Variants in PRKN observed in about 807,000 individuals in gnomAD.
The protein encoded by PRKN is parkin RBR E3 ubiquitin protein ligase.
In PRKN, 56 loss-of-function variants were observed where a neutral mutation model predicts 59.5. The observed-to-expected ratio is 0.94, with a 90% confidence interval of 0.76 to 1.18. PRKN has a LOEUF of 1.18. PRKN is among the 50% of genes most tolerant of loss of function. PRKN has a pLI of 0.00. For synonymous variants in PRKN, 250 were observed against 222.1 expected (o/e 1.13, Z -1.12); for missense variants, 657 against 596.4 (o/e 1.10, Z -1.06).
At chr6:162,377,898 A>G (rs1007912531) in intron 2 of PRKN, among the ~76,000 whole-genome samples, 1 of 152,224 alleles carries the variant, frequency 6.6e-6, no homozygotes, top group Non-Finnish European at 1.5e-5. Flanking sequence ...AGTGAAAGCC[A>G]GATGGTTCTT....
chr6:161,776,666 C>G (rs747208666), intron 7 of PRKN, among the ~76,000 whole-genome samples: 2 of 152,158 alleles, frequency 1.3e-5, no homozygotes, highest in African/African-American at 4.8e-5. Flanking sequence ...GAGGCATGGC[C>G]TTGGCATTGG....
At chr6:161,481,218 G>A (rs1162777754) in intron 9 of PRKN, among the ~76,000 whole-genome samples, 1 of 152,134 alleles carries the variant, frequency 6.6e-6, no homozygotes, top group African/African-American at 2.4e-5. Flanking sequence ...AATCACATTG[G>A]TTTTTCCTAA....
chr6:161,977,541 GGT>G (rs555630756), intron 5 of PRKN, among the ~76,000 whole-genome samples: 31,160 of 99,136 alleles, frequency 0.31, 4,155 homozygotes, highest in South Asian at 0.39. Context: ...CTGTTTTTTT[GGT>G]TTTTTTTTTT....
intron 4 of PRKN, among the ~76,000 whole-genome samples, chr6:162,144,295 G>T (rs201266189): frequency 6.6e-6 from 1 of 152,134 alleles, no homozygotes; most frequent in African/African-American, 2.4e-5. Context: ...ATGCAAGATG[G>T]ATTTTAATAT....
At chr6:161,943,562 G>C (rs982804872) in intron 6 of PRKN, among the ~76,000 whole-genome samples, 6 of 152,228 alleles carry the variant, frequency 3.9e-5, no homozygotes, top group Non-Finnish European at 1.5e-5. Flanking sequence ...TGGAAATCCT[G>C]AAATAAAGTC....
chr6:161,438,769 G>T (rs554723827), intron 9 of PRKN, among the ~76,000 whole-genome samples: 1 of 152,120 alleles, frequency 6.6e-6, no homozygotes. Flanking sequence ...TGATCATCCC[G>T]CATGTAGCTA....
chr6:161,532,395 T>G (rs376931979), intron 9 of PRKN, among the ~76,000 whole-genome samples: 1 of 151,932 alleles, frequency 6.6e-6, no homozygotes, highest in Admixed American at 6.6e-5. Context: ...TATATGGCTG[T>G]GTGTGTATGA....
intron 7 of PRKN, among the ~76,000 whole-genome samples, chr6:161,733,792 A>ATATATATATATATATATACT (rs1554298485): frequency 1.4e-5 from 1 of 71,162 alleles, no homozygotes; most frequent in Non-Finnish European, 2.8e-5. Context: ...AAATATATAT[A>ATATATATATATATATATACT]TATATGTATA....
At position 161,347,470 on chromosome 6, in the gene PRKN, T is replaced by A. The variant is rs1784378420; in HGVS notation, c.*2629A>T. The A allele has an allele frequency of 6.6e-6, 1 of 152,212 alleles. No individual in the cohort carries two copies. The highest frequency in any genetic ancestry group is 1.9e-4 in the East Asian group (1 of 5,200). 9.4% of individuals were successfully genotyped at this position (152,212 alleles called of 1,614,324 possible). On this transcript the variant is annotated 3_prime_UTR_variant, in exon 12 of 12. Transcript: ENST00000366898. ...GTACAATCTTAGAGTTGTCAGATAA[T>A]CTCAACACACTTCAGAGAAAAACAG... is the stretch of plus-strand genomic sequence containing the variant.
At position 161,461,480 on chromosome 6, in the gene PRKN, C is replaced by A. The variant is rs117318919; in HGVS notation, c.1084-74603G>T. On this transcript the variant is annotated intron_variant, in intron 9 of 11. Transcript: ENST00000366898. The surrounding 1 kb of genome is among the most constrained non-coding windows in gnomAD (Gnocchi z 5.1). ...GATGGATTACTAGGGGGAATACACT[C>A]AAGGCAGGAAGAGTGTAGGTTGTTC... is the stretch of plus-strand genomic sequence containing the variant. Among the ~76,000 whole-genome samples the A allele has an allele frequency of 2.4e-4, 36 of 152,168 alleles. No homozygotes were observed. Among genetic ancestry groups the A allele is most frequent in the Non-Finnish European group, 4.4e-4 (30 of 68,014 alleles).
chr6:161,490,308 T>TCTTG (rs111399768), intron 9 of PRKN, among the ~76,000 whole-genome samples: 13 of 143,506 alleles, frequency 9.1e-5, no homozygotes, highest in East Asian at 6.2e-4. Context: ...TACTTTTCTT[T>TCTTG]CTTGCTTGCT....
chr6:162,631,721 T>C (rs1783116231), intron 1 of PRKN, among the ~76,000 whole-genome samples: 1 of 152,198 alleles, frequency 6.6e-6, no homozygotes, highest in Non-Finnish European at 1.5e-5. Context: ...ATTTTTGTTC[T>C]TGTTGCAATT....
At chr6:162,297,183 T>C (rs544493164) in intron 2 of PRKN, among the ~76,000 whole-genome samples, 1 of 151,816 alleles carries the variant, frequency 6.6e-6, no homozygotes, top group East Asian at 1.9e-4. Context: ...TCTTTTTTTT[T>C]TTTTTTGTAA....
At chr6:162,073,207 G>C (rs1311178815) in intron 4 of PRKN, among the ~76,000 whole-genome samples, 2 of 152,174 alleles carry the variant, frequency 1.3e-5, no homozygotes, top group Non-Finnish European at 2.9e-5. Flanking sequence ...AGAGAGAATT[G>C]TACTCACGCT....
chr6:161,998,664 T>C (rs548638067), intron 5 of PRKN, among the ~76,000 whole-genome samples: 190 of 152,224 alleles, frequency 1.2e-3, no homozygotes, highest in African/African-American at 4.4e-3. Flanking sequence ...ACAACATTTA[T>C]TTACACTTTC....
rs533670882 is a variant in PRKN, at chr6:161,373,243, A to C, written c.1168-13038T>G. Among the ~76,000 whole-genome samples the C allele has an allele frequency of 8.5e-5, 13 of 152,302 alleles. No homozygotes were observed. The highest frequency in any genetic ancestry group is 3.1e-4 in the African/African-American group (13 of 41,576). On this transcript the variant is annotated intron_variant, in intron 10 of 11. Transcript: ENST00000366898. This position sits in a 1 kb window ranked among gnomAD's most constrained non-coding sequence, Gnocchi z 4.8. Reference sequence around the variant, plus strand: ...AGTTAACTGAGTATAGATGTTAACCACGTCTACAAAAATACCTTCACAGCG... The same window carrying C: ...AGTTAACTGAGTATAGATGTTAACCCCGTCTACAAAAATACCTTCACAGCG...
chr6:161,749,699 G>A lies in PRKN; in HGVS notation c.871+36073C>T, dbSNP rs972868749. Among the ~76,000 whole-genome samples, 14 of 152,206 alleles carry A rather than the reference G, an allele frequency of 9.2e-5. 1 individual carries two copies. The highest frequency in any genetic ancestry group is 6.5e-4 in the Admixed American group (10 of 15,292). ...GAGCTGGGGAAGCTGTAGTGGGGAG[G>A]AGGGGAAAGGCTCTGTAATCCCTCG... On this transcript the variant is annotated intron_variant, in intron 7 of 11. Coordinates refer to ENST00000366898, the MANE Select transcript of PRKN (RefSeq NM_004562.3).
intron 6 of PRKN, among the ~76,000 whole-genome samples, chr6:161,808,536 G>A (rs952197990): frequency 2.0e-5 from 3 of 152,130 alleles, no homozygotes; most frequent in African/African-American, 7.2e-5. Context: ...GGTGAAATAT[G>A]AACAATAGCT....
chr6:161,505,600 C>T (rs1009621374), intron 9 of PRKN, among the ~76,000 whole-genome samples: 23 of 151,814 alleles, frequency 1.5e-4, no homozygotes, highest in African/African-American at 2.2e-4. Context: ...AGTCCTTGCC[C>T]GTGCCTATGT....
Sources: allele counts gnomAD v4.1 joint callset (sites outside exome capture counted in the v4.1 genomes callset), GRCh38; gene constraint gnomAD v4.1.1; non-coding constraint Gnocchi (gnomAD v3.1); transcripts MANE v1.5; gene names NCBI Gene and HGNC (gene_info 2026-07-23, HGNC 2026-07-21).